Variants in NMNAT2 observed in about 807,000 individuals in gnomAD.
NMNAT2 encodes the protein nicotinamide nucleotide adenylyltransferase 2.
A neutral mutation model predicts 41.6 loss-of-function variants in NMNAT2; 11 were observed. The observed-to-expected ratio is 0.26, with a 90% CI of 0.17 to 0.44. The LOEUF is 0.44. Among genes scored for constraint, NMNAT2 ranks in the 20% least tolerant of loss-of-function variants. NMNAT2 has a pLI of 1.00. For synonymous variants in NMNAT2, 148 were observed against 151.2 expected (o/e 0.98, Z 0.16); for missense variants, 288 against 407.7 (o/e 0.71, Z 2.53).
chr1:183,404,732 G>A (rs1648907236), intron 1 of NMNAT2, among the ~76,000 whole-genome samples: 1 of 152,210 alleles, frequency 6.6e-6, no homozygotes, highest in Admixed American at 6.5e-5. Context: ...CAATGCCAAT[G>A]CTGAATTGCC....
intron 8 of NMNAT2, among the ~76,000 whole-genome samples, chr1:183,275,240 T>C (rs532338565): frequency 6.6e-6 from 1 of 152,338 alleles, no homozygotes; most frequent in South Asian, 2.1e-4. Flanking sequence ...TGGAGTGGAA[T>C]GTTAATTTGA....
At chr1:183,371,553 A>G (rs1422187997) in intron 1 of NMNAT2, among the ~76,000 whole-genome samples, 1 of 152,166 alleles carries the variant, frequency 6.6e-6, no homozygotes, top group Non-Finnish European at 1.5e-5. Flanking sequence ...AAGGCTGTGC[A>G]TGTGTGAAGG....
At chr1:183,379,258 G>T (rs116825143) in intron 1 of NMNAT2, among the ~76,000 whole-genome samples, 1 of 151,918 alleles carries the variant, frequency 6.6e-6, no homozygotes, top group African/African-American at 2.4e-5. Context: ...ATGGCTTATT[G>T]CAGCCTCAAC....
rs1428027928 is a variant in NMNAT2, at chr1:183,389,820, GAA to G, written c.85+28361_85+28362del. ...AGAAAGAAAGAAAGAAAGAAAGAAAGAAAGAAAGAAAGAAAGAAAGAAAGGAA... is the reference window on the plus strand; with the variant it reads ...AGAAAGAAAGAAAGAAAGAAAGAAAGAGAAAGAAAGAAAGAAAGAAAGGAA... On this transcript the variant is annotated intron_variant, in intron 1 of 10. Coordinates refer to ENST00000287713, the MANE Select transcript of NMNAT2 (RefSeq NM_015039.4). Among the ~76,000 whole-genome samples, 7 of 55,274 alleles carry G rather than the reference GAA, an allele frequency of 1.3e-4. 1 individual carries two copies. The highest frequency in any genetic ancestry group is 1.8e-4 in the African/African-American group (3 of 16,392). 36.3% of individuals were successfully genotyped at this position (55,274 alleles called of 152,430 possible).
intron 1 of NMNAT2, among the ~76,000 whole-genome samples, chr1:183,342,097 A>G (rs1662832240): frequency 1.3e-5 from 2 of 149,130 alleles, no homozygotes; most frequent in Non-Finnish European, 3.0e-5. Context: ...AGGCCCAAAC[A>G]TGCAAAGCAG....
chr1:183,276,150 C>A (rs10911295), intron 8 of NMNAT2, among the ~76,000 whole-genome samples: 15,447 of 152,166 alleles, frequency 0.1, 898 homozygotes, highest in East Asian at 0.2. Context: ...CCACAACCAC[C>A]CAGATGGGAC....
chr1:183,341,681 A>AG (rs1662806798), intron 1 of NMNAT2, among the ~76,000 whole-genome samples: 2 of 75,638 alleles, frequency 2.6e-5, no homozygotes, highest in Admixed American at 2.6e-4. Context: ...ATAGAGAAAA[A>AG]AAAAAAGAGA....
rs544975442 is a variant in NMNAT2 at position 183,399,516 on chromosome 1, T to A, written c.85+18667A>T. On this transcript the variant is annotated intron_variant, in intron 1 of 10. Transcript: ENST00000287713. ...AGCTGGTACCATTCCTTCTGAAACTTTTCCAATCAATAGAAAAAGAGGGAA... is the reference window on the plus strand; with the variant it reads ...AGCTGGTACCATTCCTTCTGAAACTATTCCAATCAATAGAAAAAGAGGGAA... Among the ~76,000 whole-genome samples, 76 of 152,110 alleles carry A rather than the reference T, an allele frequency of 5.0e-4. 2 individuals carry two copies. The highest frequency in any genetic ancestry group is 3.4e-3 in the Middle Eastern group (1 of 294).
At chr1:183,307,498 A>T (rs536010339) in intron 1 of NMNAT2, among the ~76,000 whole-genome samples, 25 of 151,970 alleles carry the variant, frequency 1.6e-4, no homozygotes, top group African/African-American at 6.0e-4. Flanking sequence ...GCTGGAGTGC[A>T]ATGTCATGAT....
At position 183,398,542 on chromosome 1, in the gene NMNAT2, A is replaced by T. The variant is rs549203868; in HGVS notation, c.85+19641T>A. ...ACAAGAATATCCAGGAATTGAACTC[A>T]GCTCTGCACCAAGGGGACCTAATAG... On this transcript the variant is annotated intron_variant, in intron 1 of 10. Transcript: ENST00000287713. Among the ~76,000 whole-genome samples the T allele has an allele frequency of 2.0e-5, 3 of 152,340 alleles. No homozygotes were observed. The South Asian group carries it at 6.2e-4, about 32-fold the overall frequency.
intron 8 of NMNAT2, among the ~76,000 whole-genome samples, chr1:183,269,318 T>C (rs1164727372): frequency 2.0e-5 from 3 of 152,218 alleles, no homozygotes; most frequent in Non-Finnish European, 4.4e-5. Context: ...CAGGTCATCA[T>C]GAAGACAGGG....
chr1:183,340,142 G>A (rs1276839456), intron 1 of NMNAT2, among the ~76,000 whole-genome samples: 3 of 152,160 alleles, frequency 2.0e-5, no homozygotes, highest in Admixed American at 6.5e-5. Context: ...CTCCCCTTCT[G>A]GGGTGCTGCC....
Position 183,283,836 on chromosome 1 carries a change from G to A in NMNAT2, c.574+159C>T, listed in dbSNP as rs369431427. 27 of 716,462 alleles carry A rather than the reference G, an allele frequency of 3.8e-5. No homozygotes were observed. In the East Asian group the frequency reaches 4.6e-4, roughly 12 times the overall value. 44.4% of individuals were successfully genotyped at this position (716,462 alleles called of 1,614,324 possible). A position where few individuals can be genotyped will look rare whatever the true frequency, so the allele number is the denominator to read the frequency against. ...AGAGATGTTAAAGGGAGCTAACTAC[G>A]AATGCAATCTTAGCCTGGGAACGAT... On this transcript the variant is annotated intron_variant, in intron 7 of 10. Transcript: ENST00000287713.
chr1:183,267,491 T>C (rs1238079601), intron 8 of NMNAT2, among the ~76,000 whole-genome samples: 2 of 152,288 alleles, frequency 1.3e-5, no homozygotes, highest in East Asian at 3.9e-4. Context: ...GACAATTACC[T>C]AAGCTGCTAA....
rs560902903 is a variant in NMNAT2, at chr1:183,347,278, A to C, written c.86-53485T>G. On this transcript the variant is annotated intron_variant, in intron 1 of 10. Transcript: ENST00000287713. ...AGACCAGCCTGGGCAATATAGTGAG[A>C]TGCCATCTCTACAAAAAAAATAGAA... is the stretch of plus-strand genomic sequence containing the variant. 5.3e-5 allele frequency among the ~76,000 whole-genome samples: 8 copies of C among 152,280 alleles called. No individual in the cohort carries two copies. In the East Asian group the frequency reaches 1.4e-3, roughly 26 times the overall value.
intron 1 of NMNAT2, among the ~76,000 whole-genome samples, chr1:183,383,031 C>T (rs1456445059): frequency 6.6e-6 from 1 of 152,224 alleles, no homozygotes; most frequent in Admixed American, 6.5e-5. Context: ...AGACTTCTGC[C>T]TGCACATCCT....
chr1:183,349,745 A>G (rs957720163), intron 1 of NMNAT2, among the ~76,000 whole-genome samples: 3 of 152,214 alleles, frequency 2.0e-5, no homozygotes, highest in Non-Finnish European at 2.9e-5. Context: ...GGAGGGCAGG[A>G]GATTTCCAGA....
chr1:183,259,524 T>C (rs1469542702), intron 10 of NMNAT2, among the ~76,000 whole-genome samples: 1 of 152,192 alleles, frequency 6.6e-6, no homozygotes, highest in East Asian at 1.9e-4. Context: ...AACTTTCTAT[T>C]AAATGCTAAA....
At chr1:183,306,812 G>A (rs1289853373) in intron 1 of NMNAT2, among the ~76,000 whole-genome samples, 2 of 152,188 alleles carry the variant, frequency 1.3e-5, no homozygotes, top group Non-Finnish European at 2.9e-5. Context: ...TGCCCCAGGT[G>A]TCACCAGCTG....
Sources: allele counts gnomAD v4.1 joint callset (sites outside exome capture counted in the v4.1 genomes callset), GRCh38; gene constraint gnomAD v4.1.1; transcripts MANE v1.5; gene names NCBI Gene and HGNC (gene_info 2026-07-23, HGNC 2026-07-21).